The following CRIM1 variants were observed in gnomAD, a reference collection of about 807,000 sequenced individuals.
CRIM1 encodes cysteine-rich motor neuron 1 protein.
A neutral mutation model predicts 116.4 loss-of-function variants in CRIM1; 32 were observed. The ratio of observed to expected loss-of-function variants is 0.27; its 90% CI spans 0.21 to 0.37. The LOEUF (loss-of-function observed/expected upper bound fraction) is 0.37, where lower values mean the gene tolerates loss of function less well. Among genes scored for constraint, CRIM1 ranks in the 10% least tolerant of loss-of-function variants. The pLI, the probability that CRIM1 is intolerant of heterozygous loss-of-function variation, is 1.00. For synonymous variants in CRIM1, 590 were observed against 509.2 expected (o/e 1.16, Z -2.13); for missense variants, 1,331 against 1,354.8 (o/e 0.98, Z 0.28).
At chr2:36,506,157 A>ACTCT (rs1191448142) in intron 8 of CRIM1, among the ~76,000 whole-genome samples, 68 of 125,258 alleles carry the variant, frequency 5.4e-4, no homozygotes, top group African/African-American at 1.9e-3. Context: ...ACACACACAC[A>ACTCT]CTCTCTCTCT....
chr2:36,537,262 A>T, intron 13 of CRIM1, 90 bp from the exon 14 acceptor site: 1 of 1,221,238 alleles, frequency 8.2e-7, no homozygotes, highest in Non-Finnish European at 1.2e-6. Flanking sequence ...TACTGTGATT[A>T]TACAAAGCTA....
At chr2:36,439,525 C>T (rs1164407347) in intron 2 of CRIM1, among the ~76,000 whole-genome samples, 1 of 152,178 alleles carries the variant, frequency 6.6e-6, no homozygotes, top group African/African-American at 2.4e-5. Context: ...CTCATCCAAC[C>T]TCATCTCCTG....
chr2:36,370,137 A>G (rs546407744), intron 1 of CRIM1, among the ~76,000 whole-genome samples: 24 of 151,914 alleles, frequency 1.6e-4, no homozygotes, highest in East Asian at 5.8e-4. Context: ...TGGGATATCT[A>G]TAAGTGGGCA....
chr2:36,548,238 C>G (rs778347973), intron 16 of CRIM1, among the ~76,000 whole-genome samples: 1 of 150,256 alleles, frequency 6.7e-6, no homozygotes, highest in Admixed American at 6.6e-5. Flanking sequence ...AAGGTCTGCA[C>G]TTCAAGGATT....
intron 2 of CRIM1, among the ~76,000 whole-genome samples, chr2:36,408,897 T>A (rs1673008822): frequency 6.6e-6 from 1 of 152,158 alleles, no homozygotes. Context: ...TCAAATGTTC[T>A]TATAATTTTA....
chr2:36,513,323 G>A (rs1022170206), intron 10 of CRIM1: 6 of 511,166 alleles, frequency 1.2e-5, no homozygotes, highest in South Asian at 7.9e-5. Context: ...AAAAATCAGC[G>A]ATCATCCCAC....
Position 36,522,106 on chromosome 2 carries a change from C to T in CRIM1, c.2221C>T (p.Pro741Ser), listed in dbSNP as rs1665432527. The T allele has an allele frequency of 6.2e-7, 1 of 1,614,034 alleles. No homozygotes were observed. Residue 741 changes from proline to serine, a missense_variant, in exon 13 of 17, where the codon CCT becomes TCT. This residue lies in a region of CRIM1 where 358 missense variants were observed against 436.1 expected (regional missense o/e 0.82). Transcript: ENST00000280527. The part of the protein sequence containing the change: ...CPQCTDQPFR[P>S]SLSRNNSVPN... The stretch of plus-strand genomic sequence containing the variant: ...CATTTTTCCAGATCAACCTTTTCGG[C>T]CTTCCTTGTCCCGCAATAACAGCGT...
intron 5 of CRIM1, among the ~76,000 whole-genome samples, chr2:36,469,725 G>T (rs749766999): frequency 1.1e-4 from 17 of 152,132 alleles, no homozygotes; most frequent in Non-Finnish European, 2.5e-4. Context: ...TTCTAAGGAC[G>T]TAATGTCTTC....
rs1426959725 is a variant in CRIM1 at position 36,549,266 on chromosome 2, T to G, written c.*565T>G. ...CCATCCCAGGTCTAAAGCCACAAGT[T>G]TCTTTTCTATACAGTCACAACTGCA... On this transcript the variant is annotated 3_prime_UTR_variant, in exon 17 of 17. Coordinates refer to ENST00000280527, the MANE Select transcript of CRIM1 (RefSeq NM_016441.3). The G allele has an allele frequency of 6.5e-6, 1 of 152,778 alleles. No homozygotes were observed. The highest frequency in any genetic ancestry group is 1.5e-5 in the Non-Finnish European group (1 of 68,158). 9.5% of individuals were successfully genotyped at this position (152,778 alleles called of 1,614,324 possible).
At chr2:36,546,015 A>G (rs1426771593) in intron 15 of CRIM1, among the ~76,000 whole-genome samples, 1 of 152,136 alleles carries the variant, frequency 6.6e-6, no homozygotes, top group Non-Finnish European at 1.5e-5. Context: ...ACCCCTCCAG[A>G]ACACACACAG....
At chr2:36,440,635 T>C (rs1253582431) in intron 2 of CRIM1, among the ~76,000 whole-genome samples, 2 of 152,226 alleles carry the variant, frequency 1.3e-5, no homozygotes, top group Non-Finnish European at 2.9e-5. Flanking sequence ...TAAGGTGCAT[T>C]TGATGGAGCT....
chr2:36,455,179 G>A (rs111745079), intron 4 of CRIM1, among the ~76,000 whole-genome samples: 1,769 of 152,268 alleles, frequency 0.012, 41 homozygotes, highest in African/African-American at 0.04. Context: ...AGCTGTGGCT[G>A]CAGGACTGAG....
In CRIM1 at chr2:36,359,281, C is replaced by T. The variant is rs574870980; in HGVS notation, c.331+2658C>T. Among the ~76,000 whole-genome samples the T allele has an allele frequency of 4.6e-5, 7 of 152,306 alleles. No homozygotes were observed. In the East Asian group the frequency reaches 1.2e-3, roughly 25 times the overall value. On this transcript the variant is annotated intron_variant, in intron 1 of 16. Coordinates refer to ENST00000280527, the MANE Select transcript of CRIM1 (RefSeq NM_016441.3). ...TATTTAATTGGCTACGTTGTAAAAA[C>T]ATATTGCATGTTATAGAAATATTAT...
chr2:36,483,356 A>G lies in CRIM1; in HGVS notation c.1372+3662A>G, dbSNP rs114917370. ...GGTCTTCATCTGCAGGGCCACTGTT[A>G]TTTGTAACCCTTAATGACAGTGGCT... On this transcript the variant is annotated intron_variant, in intron 7 of 16. Coordinates refer to ENST00000280527, the MANE Select transcript of CRIM1 (RefSeq NM_016441.3). Among the ~76,000 whole-genome samples the G allele has an allele frequency of 9.2e-4, 140 of 152,356 alleles. 1 individual carries two copies. Among genetic ancestry groups the G allele is most frequent in the African/African-American group, 3.3e-3 (136 of 41,586 alleles).
At chr2:36,534,379 AAGGG>A (rs1666358443) in intron 13 of CRIM1, among the ~76,000 whole-genome samples, 1 of 96,558 alleles carries the variant, frequency 1.0e-5, no homozygotes, top group Non-Finnish European at 2.0e-5. Context: ...AAGGGGAAGG[AAGGG>A]AGGGAGGGGG....
Position 36,356,315 on chromosome 2 carries a change from G to A in CRIM1, c.23G>A (p.Arg8Lys), listed in dbSNP as rs1363610608. 1.9e-6 allele frequency: 3 copies of A among 1,565,004 alleles called. No homozygotes were observed. Among genetic ancestry groups the A allele is most frequent in the African/African-American group, 1.4e-5 (1 of 73,272 alleles). The change falls in exon 1 of 17, where the codon AGG (arginine) becomes AAG (lysine). Residue 8 changes from arginine (R) to lysine (K), a missense_variant. By Grantham distance (26) the Arg-to-Lys change is conservative. Coordinates refer to ENST00000280527, the MANE Select transcript of CRIM1 (RefSeq NM_016441.3). The surrounding 1 kb of genome is among the most constrained non-coding windows in gnomAD (Gnocchi z 4.3). Reference sequence around the variant, plus strand: ...AGGATGTACTTGGTGGCGGGGGACAGGGGGTTGGCCGGCTGCGGGCACCTC... The same window carrying A: ...AGGATGTACTTGGTGGCGGGGGACAAGGGGTTGGCCGGCTGCGGGCACCTC... MYLVAGD[R>K]GLAGCGHLLV... is the part of the protein sequence containing the mutation.
At chr2:36,523,978 A>G (rs1213324255) in intron 13 of CRIM1, among the ~76,000 whole-genome samples, 3 of 152,212 alleles carry the variant, frequency 2.0e-5, no homozygotes, top group Non-Finnish European at 4.4e-5. Flanking sequence ...AAGAGTAATA[A>G]AAGTTCTGTT....
At chr2:36,512,485 G>T (rs1664756318) in intron 10 of CRIM1, 91 bp downstream of exon 10, 1 of 1,393,640 alleles carries the variant, frequency 7.2e-7, no homozygotes, top group Non-Finnish European at 9.8e-7. Flanking sequence ...AATGGTTTCG[G>T]TGGTTGCTGC....
rs1262882569 is a variant in CRIM1 at position 36,526,786 on chromosome 2, T to C, written c.2428+4473T>C. Among the ~76,000 whole-genome samples the C allele has an allele frequency of 2.0e-5, 3 of 152,154 alleles. No individual in the cohort carries two copies. In the East Asian group the frequency reaches 5.8e-4, roughly 29 times the overall value. ...CTGGTCAGATATTAAAAAGAAAAAG[T>C]ACTACTTTGATCGTAACGTCTATCT... On this transcript the variant is annotated intron_variant, in intron 13 of 16. Transcript: ENST00000280527.
Sources: allele counts gnomAD v4.1 joint callset (sites outside exome capture counted in the v4.1 genomes callset), GRCh38; gene constraint gnomAD v4.1.1; regional missense constraint gnomAD v4.1.1; non-coding constraint Gnocchi (gnomAD v3.1); transcripts MANE v1.5; gene names NCBI Gene and HGNC (gene_info 2026-07-23, HGNC 2026-07-21).